The following ADAMTS3 variants were observed in gnomAD, a reference collection of about 807,000 sequenced individuals.
The protein encoded by ADAMTS3 is ADAM metallopeptidase with thrombospondin type 1 motif 3.
A neutral mutation model predicts 129.0 loss-of-function variants in ADAMTS3; 73 were observed. The observed-to-expected ratio is 0.57, with a 90% CI of 0.47 to 0.69. The LOEUF (loss-of-function observed/expected upper bound fraction) is 0.69. ADAMTS3 is among the 30% of genes least tolerant of loss of function. The pLI, the probability that ADAMTS3 is intolerant of heterozygous loss-of-function variation, is 0.00. For missense variants in ADAMTS3, 1,457 were observed against 1,514.5 expected (o/e 0.96, Z 0.63); for synonymous variants, 477 against 510.8 (o/e 0.93, Z 0.89).
At chr4:72,567,430 G>T (rs1187006124) in intron 1 of ADAMTS3, 29 bp from the exon 2 acceptor site, 1 of 1,610,058 alleles carries the variant, frequency 6.2e-7, no homozygotes, top group South Asian at 1.1e-5. Flanking sequence ...GCAAGAAAAA[G>T]AAAGTTACTG....
At chr4:72,515,706 G>A (rs868147215) in intron 3 of ADAMTS3, among the ~76,000 whole-genome samples, 1 of 151,850 alleles carries the variant, frequency 6.6e-6, no homozygotes, top group Non-Finnish European at 1.5e-5. Flanking sequence ...TTGTAAATTT[G>A]TTTGAGTTCA....
chr4:72,432,396 T>C (rs184259198), intron 3 of ADAMTS3, among the ~76,000 whole-genome samples: 1 of 151,884 alleles, frequency 6.6e-6, no homozygotes, highest in Non-Finnish European at 1.5e-5. Context: ...CTAGCTCTAA[T>C]ACCATTTCCC....
intron 4 of ADAMTS3, among the ~76,000 whole-genome samples, chr4:72,373,777 G>C (rs1721070837): frequency 6.6e-6 from 1 of 151,896 alleles, no homozygotes; most frequent in South Asian, 2.1e-4. Flanking sequence ...GCACACACCT[G>C]TCATGGCAGC....
intron 3 of ADAMTS3, among the ~76,000 whole-genome samples, chr4:72,503,703 G>C (rs182118474): frequency 6.6e-6 from 1 of 152,240 alleles, no homozygotes; most frequent in Admixed American, 6.5e-5. Context: ...GTCAGTTGTT[G>C]AAATCCCTCA....
At chr4:72,457,205 G>A (rs930970951) in intron 3 of ADAMTS3, among the ~76,000 whole-genome samples, 6 of 151,576 alleles carry the variant, frequency 4.0e-5, no homozygotes, top group African/African-American at 7.3e-5. Context: ...ATCAGGTTCC[G>A]TTTGCTTATT....
At chr4:72,471,740 G>A (rs1237224492) in intron 3 of ADAMTS3, among the ~76,000 whole-genome samples, 1 of 151,796 alleles carries the variant, frequency 6.6e-6, no homozygotes, top group Non-Finnish European at 1.5e-5. Flanking sequence ...AGACAAACTT[G>A]TTTATGTTAA....
At chr4:72,458,819 G>A (rs903080810) in intron 3 of ADAMTS3, among the ~76,000 whole-genome samples, 1 of 151,402 alleles carries the variant, frequency 6.6e-6, no homozygotes, top group African/African-American at 2.4e-5. Flanking sequence ...ACTCGTAAGT[G>A]CCACACCATT....
chr4:72,567,598 G>C (rs6830556), intron 1 of ADAMTS3, among the ~76,000 whole-genome samples, 197 bp from the exon 2 acceptor site: 146,366 of 152,270 alleles, frequency 0.96, 70,616 homozygotes, highest in East Asian at 1. Context: ...TTGGGGAAGG[G>C]AGTTGTTTGC....
intron 3 of ADAMTS3, among the ~76,000 whole-genome samples, chr4:72,482,604 T>C (rs1414358031): frequency 1.3e-5 from 2 of 152,170 alleles, no homozygotes; most frequent in East Asian, 1.9e-4. Flanking sequence ...ACTGTATCAA[T>C]GTCAATATTC....
chr4:72,345,971 T>C (rs1289564891), intron 4 of ADAMTS3, among the ~76,000 whole-genome samples: 1 of 152,094 alleles, frequency 6.6e-6, no homozygotes, highest in African/African-American at 2.4e-5. Context: ...ACATACTAGT[T>C]CACGTAACAA....
chr4:72,283,816 C>A, intron 21 of ADAMTS3, 112 bp from the exon 22 acceptor site: 1 of 846,780 alleles, frequency 1.2e-6, no homozygotes, highest in Non-Finnish European at 1.7e-6. Flanking sequence ...CAATCTGACA[C>A]TAACGGGAGT....
intron 1 of ADAMTS3, among the ~76,000 whole-genome samples, chr4:72,568,238 GA>G (rs1722071797): frequency 6.6e-6 from 1 of 152,070 alleles, no homozygotes; most frequent in African/African-American, 2.4e-5. Flanking sequence ...CCGGCTGCCC[GA>G]AAAAACCGTG....
chr4:72,515,213 A>G (rs895786204), intron 3 of ADAMTS3, among the ~76,000 whole-genome samples: 3 of 151,934 alleles, frequency 2.0e-5, no homozygotes, highest in Admixed American at 2.0e-4. Flanking sequence ...TATGTGCCAC[A>G]TTTTCTTAAT....
intron 2 of ADAMTS3, among the ~76,000 whole-genome samples, chr4:72,559,581 C>T (rs904139570): frequency 6.6e-6 from 1 of 151,634 alleles, no homozygotes; most frequent in African/African-American, 2.4e-5. Context: ...ATAGGCAGAC[C>T]TACCTAAAAT....
At chr4:72,541,349 GAAGT>G (rs1285584252) in intron 3 of ADAMTS3, among the ~76,000 whole-genome samples, 1 of 152,218 alleles carries the variant, frequency 6.6e-6, no homozygotes, top group South Asian at 2.1e-4. Context: ...TTGTATGTAG[GAAGT>G]AACTAACTTG....
chr4:72,547,617 A>G (rs1479716659), intron 3 of ADAMTS3, among the ~76,000 whole-genome samples: 1 of 152,188 alleles, frequency 6.6e-6, no homozygotes, highest in Admixed American at 6.5e-5. Context: ...CAAACTATCT[A>G]TGGTGAAGAG....
intron 3 of ADAMTS3, among the ~76,000 whole-genome samples, chr4:72,511,411 A>G (rs1216605878): frequency 6.6e-6 from 1 of 152,202 alleles, no homozygotes; most frequent in East Asian, 1.9e-4. Context: ...AAACAACTCT[A>G]CAGGGGAAAA....
chr4:72,515,170 C>A (rs575833221), intron 3 of ADAMTS3, among the ~76,000 whole-genome samples: 2 of 152,202 alleles, frequency 1.3e-5, no homozygotes, highest in East Asian at 1.9e-4. Context: ...TGAACTGATC[C>A]TTTTTTATGG....
intron 3 of ADAMTS3, among the ~76,000 whole-genome samples, chr4:72,548,084 A>C (rs1721510038): frequency 6.6e-6 from 1 of 152,198 alleles, no homozygotes; most frequent in Non-Finnish European, 1.5e-5. Flanking sequence ...CTTTACGAGG[A>C]TATCCAAAGT....
Sources: gnomAD v4.1 joint callset for allele counts (sites outside exome capture counted in the v4.1 genomes callset) on GRCh38, gnomAD v4.1.1 for gene constraint, MANE v1.5 for transcripts, NCBI Gene and HGNC (gene_info 2026-07-23, HGNC 2026-07-21) for gene names.